Variants in CAMK1D observed in about 807,000 individuals in gnomAD.
CAMK1D encodes calcium/calmodulin dependent protein kinase ID.
CAMK1D carries 9 observed loss-of-function variants against 47.7 expected under a neutral mutation model. The ratio of observed to expected loss-of-function variants is 0.19; its 90% CI spans 0.11 to 0.33. The LOEUF (loss-of-function observed/expected upper bound fraction) is 0.33, where lower values mean the gene tolerates loss of function less well. CAMK1D is among the 10% of genes least tolerant of loss of function. The pLI is 1.00. For synonymous variants in CAMK1D, 184 were observed against 184.9 expected, an observed-to-expected ratio of 0.99 and a Z score of 0.04; for missense variants, 291 against 488.7, an observed-to-expected ratio of 0.60 and a Z score of 3.81.
At chr10:12,539,641 C>G (rs1328712085) in intron 1 of CAMK1D, among the ~76,000 whole-genome samples, 1 of 152,190 alleles carries the variant, frequency 6.6e-6, no homozygotes, top group Non-Finnish European at 1.5e-5. Flanking sequence ...GGGAGTTCCC[C>G]TCTGAAGAGC....
chr10:12,492,253 C>T (rs927339059), intron 1 of CAMK1D, among the ~76,000 whole-genome samples: 3 of 151,564 alleles, frequency 2.0e-5, no homozygotes, highest in Non-Finnish European at 2.9e-5. Flanking sequence ...GAGCCTGAGC[C>T]GCCATCATGG....
At chr10:12,500,428 G>A (rs1214801308) in intron 1 of CAMK1D, among the ~76,000 whole-genome samples, 1 of 152,172 alleles carries the variant, frequency 6.6e-6, no homozygotes, top group Non-Finnish European at 1.5e-5. Context: ...ACATAGCATT[G>A]CCCAGGGTTA....
chr10:12,732,329 T>G (rs904102575), intron 3 of CAMK1D, among the ~76,000 whole-genome samples: 1 of 152,102 alleles, frequency 6.6e-6, no homozygotes, highest in Non-Finnish European at 1.5e-5. Flanking sequence ...GGTATCAAGA[T>G]AGGAATATGT....
intron 2 of CAMK1D, among the ~76,000 whole-genome samples, chr10:12,630,752 C>G (rs565355887): frequency 3.3e-5 from 5 of 152,170 alleles, no homozygotes; most frequent in African/African-American, 1.2e-4. Context: ...ACCAGTGGAG[C>G]TTTCCTTGTG....
intron 2 of CAMK1D, among the ~76,000 whole-genome samples, chr10:12,591,850 C>T (rs1049860808): frequency 1.3e-5 from 2 of 152,168 alleles, no homozygotes; most frequent in African/African-American, 2.4e-5. Flanking sequence ...CATGCCACCA[C>T]GCCCAGCTAA....
intron 1 of CAMK1D, among the ~76,000 whole-genome samples, chr10:12,502,542 T>C (rs1834737334): frequency 6.6e-6 from 1 of 152,080 alleles, no homozygotes; most frequent in Admixed American, 6.5e-5. Flanking sequence ...GCAGACACCA[T>C]CATTTACCTC....
chr10:12,403,983 GAAAAA>G, intron 1 of CAMK1D, among the ~76,000 whole-genome samples: 1 of 144,040 alleles, frequency 6.9e-6, no homozygotes, highest in East Asian at 2.0e-4. Flanking sequence ...GTTGCTTTTG[GAAAAA>G]AAAAAAAGAA....
chr10:12,742,245 T>G (rs1039899599), intron 3 of CAMK1D, among the ~76,000 whole-genome samples: 2 of 152,156 alleles, frequency 1.3e-5, no homozygotes, highest in African/African-American at 4.8e-5. Context: ...AAACCATCCT[T>G]CCACCTCAGC....
At chr10:12,541,480 C>T (rs1477411075) in intron 1 of CAMK1D, among the ~76,000 whole-genome samples, 2 of 152,182 alleles carry the variant, frequency 1.3e-5, no homozygotes, top group African/African-American at 4.8e-5. Flanking sequence ...TCTCCTGCCT[C>T]AGCCTCCTGA....
At chr10:12,809,379 C>A (rs1832508118) in intron 6 of CAMK1D, among the ~76,000 whole-genome samples, 1 of 152,094 alleles carries the variant, frequency 6.6e-6, no homozygotes, top group African/African-American at 2.4e-5. Flanking sequence ...AATAGAGCTA[C>A]CATATATAAT....
chr10:12,625,631 C>T (rs1157222025), intron 2 of CAMK1D, among the ~76,000 whole-genome samples: 2 of 151,932 alleles, frequency 1.3e-5, no homozygotes, highest in Non-Finnish European at 2.9e-5. Flanking sequence ...ACGCCCCGCC[C>T]CTCTGCCCCA....
chr10:12,795,167 G>T (rs1482912353), intron 6 of CAMK1D, among the ~76,000 whole-genome samples: 1 of 152,088 alleles, frequency 6.6e-6, no homozygotes, highest in Non-Finnish European at 1.5e-5. Flanking sequence ...GGGTCTAGAA[G>T]GTTGGATAAG....
rs200052874 is a variant in CAMK1D at position 12,828,834 on chromosome 10, G to C, written c.1105G>C (p.Glu369Gln). 6.2e-7 allele frequency: 1 copy of C among 1,613,666 alleles called. No homozygotes were observed. The highest frequency in any genetic ancestry group is 1.1e-5 in the South Asian group (1 of 91,058). ...GTCGGGGGTCTCAGGAGTTGGAGCC[G>C]AGCGGAGACCCAGGCCCACCACTGT... ...SSSGVSGVGA[E>Q]RRPRPTTVTA... The change falls in exon 11 of 11, where the codon GAG becomes CAG. Residue 369 changes from glutamate (E) to glutamine (Q), a missense_variant. Glu to Gln is a conservative substitution (Grantham distance 29). This residue lies in a region of CAMK1D where 72 missense variants were observed against 64.4 expected (regional missense o/e 1.12). Coordinates refer to ENST00000619168, the MANE Select transcript of CAMK1D (RefSeq NM_153498.4).
chr10:12,715,575 A>G (rs1834095145), intron 3 of CAMK1D, among the ~76,000 whole-genome samples: 1 of 152,206 alleles, frequency 6.6e-6, no homozygotes, highest in South Asian at 2.1e-4. Flanking sequence ...TAGCTTTTGC[A>G]TACAAAACGT....
intron 1 of CAMK1D, among the ~76,000 whole-genome samples, chr10:12,536,531 G>A (rs1014743301): frequency 2.6e-5 from 4 of 152,074 alleles, no homozygotes; most frequent in Admixed American, 6.6e-5. Flanking sequence ...CACACGTCTC[G>A]GCCTCCCACA....
intron 1 of CAMK1D, among the ~76,000 whole-genome samples, chr10:12,546,380 G>A (rs1047939822): frequency 6.6e-6 from 1 of 151,752 alleles, no homozygotes; most frequent in African/African-American, 2.4e-5. Flanking sequence ...ACAGAGAGCA[G>A]TAAAGTAGAC....
intron 1 of CAMK1D, among the ~76,000 whole-genome samples, chr10:12,505,951 G>A (rs1834858621): frequency 6.6e-6 from 1 of 152,186 alleles, no homozygotes. Context: ...TCTTTTGAAT[G>A]AGAGTCATAG....
intron 5 of CAMK1D, among the ~76,000 whole-genome samples, chr10:12,789,878 A>G (rs1425789302): frequency 1.3e-5 from 2 of 152,264 alleles, no homozygotes; most frequent in South Asian, 2.1e-4. Context: ...AGACACTGCC[A>G]TCAGATATGT....
At chr10:12,762,505 G>A (rs1836557914) in intron 4 of CAMK1D, among the ~76,000 whole-genome samples, 2 of 151,936 alleles carry the variant, frequency 1.3e-5, no homozygotes, top group Non-Finnish European at 2.9e-5. Flanking sequence ...CCGAATGTTC[G>A]CCCATATCAG....
Sources: gnomAD v4.1 joint callset for allele counts (sites outside exome capture counted in the v4.1 genomes callset) on GRCh38, gnomAD v4.1.1 for gene constraint, gnomAD v4.1.1 regional missense constraint, MANE v1.5 for transcripts, NCBI Gene and HGNC (gene_info 2026-07-23, HGNC 2026-07-21) for gene names.